SEZ6L: variants seen among roughly 807,000 people sequenced by gnomAD.
SEZ6L encodes seizure 6-like protein.
A neutral mutation model predicts 106.2 loss-of-function variants in SEZ6L; 37 were observed. The ratio of observed to expected loss-of-function variants is 0.35; its 90% CI spans 0.27 to 0.46. SEZ6L has a LOEUF of 0.46. Among genes scored for constraint, SEZ6L ranks in the 20% least tolerant of loss-of-function variants. The pLI, the probability that SEZ6L is intolerant of heterozygous loss-of-function variation, is 1.00. For synonymous variants in SEZ6L, 541 were observed against 570.4 expected (o/e 0.95, Z 0.73); for missense variants, 1,172 against 1,332.8 (o/e 0.88, Z 1.88).
At chr22:26,340,725 A>G in intron 10 of SEZ6L, 93 bp downstream of exon 10, 3 of 1,042,390 alleles carry the variant, frequency 2.9e-6, no homozygotes, top group Non-Finnish European at 2.8e-6. Flanking sequence ...TTTGTACTAC[A>G]GCGATTTTTC....
At chr22:26,246,321 A>T (rs1361459921) in intron 1 of SEZ6L, among the ~76,000 whole-genome samples, 1 of 152,190 alleles carries the variant, frequency 6.6e-6, no homozygotes, top group African/African-American at 2.4e-5. Flanking sequence ...ACATCGTATT[A>T]CTAACCCTAA....
chr22:26,377,706 G>A lies in SEZ6L; in HGVS notation c.2976G>A (p.Leu992=). ...ACTATTCCAACCTCCGCCTGCCTCT[G>A]ATGTACTCCCACCCCTACAGCCAGA... ...CRYYSNLRLP[L]MYSHPYSQIT... is the part of the protein sequence containing the mutation. Residue 992 remains leucine, a synonymous_variant, in exon 16 of 17, where the codon CTG becomes CTA. Transcript: ENST00000248933. The A allele has an allele frequency of 6.2e-7, 1 of 1,613,934 alleles. No homozygotes were observed. The highest frequency in any genetic ancestry group is 8.5e-7 in the Non-Finnish European group (1 of 1,179,894).
At chr22:26,359,732 G>A (rs2083552269) in intron 12 of SEZ6L, among the ~76,000 whole-genome samples, 1 of 152,156 alleles carries the variant, frequency 6.6e-6, no homozygotes, top group South Asian at 2.1e-4. Context: ...TTGAAAGGGA[G>A]GTCAAGGCTG....
At chr22:26,247,675 C>A (rs1402653112) in intron 1 of SEZ6L, among the ~76,000 whole-genome samples, 1 of 152,130 alleles carries the variant, frequency 6.6e-6, no homozygotes, top group African/African-American at 2.4e-5. Flanking sequence ...GGACTTCTAG[C>A]CTCCAGGACT....
At chr22:26,205,154 T>G (rs1941211399) in intron 1 of SEZ6L, among the ~76,000 whole-genome samples, 2 of 152,268 alleles carry the variant, frequency 1.3e-5, no homozygotes, top group Non-Finnish European at 2.9e-5. Context: ...CAGATTTCAC[T>G]GCCTCTTACT....
intron 1 of SEZ6L, among the ~76,000 whole-genome samples, chr22:26,207,431 T>C (rs1282152237): frequency 6.6e-6 from 1 of 152,224 alleles, no homozygotes; most frequent in Non-Finnish European, 1.5e-5. Context: ...CTTACAAAGT[T>C]GTTATCAGGA....
chr22:26,198,806 G>C (rs1202104702), intron 1 of SEZ6L, among the ~76,000 whole-genome samples: 1 of 152,240 alleles, frequency 6.6e-6, no homozygotes, highest in Non-Finnish European at 1.5e-5. Flanking sequence ...CTGTGAAGCT[G>C]AGACTGCTCC....
At chr22:26,320,960 T>C (rs1279200369) in intron 9 of SEZ6L, among the ~76,000 whole-genome samples, 3 of 152,002 alleles carry the variant, frequency 2.0e-5, no homozygotes, top group African/African-American at 7.2e-5. Flanking sequence ...ATATCAACGG[T>C]GTTGAAGCAG....
At chr22:26,356,326 CG>C (rs201265984) in intron 12 of SEZ6L, among the ~76,000 whole-genome samples, 1 of 152,094 alleles carries the variant, frequency 6.6e-6, no homozygotes, top group Non-Finnish European at 1.5e-5. Context: ...AAAAGAAAAA[CG>C]GTTTTTTTTA....
chr22:26,359,563 C>T (rs184896381), intron 12 of SEZ6L, among the ~76,000 whole-genome samples: 106 of 152,124 alleles, frequency 7.0e-4, no homozygotes, highest in African/African-American at 2.4e-3. Flanking sequence ...TTTGAAAGAA[C>T]GAGACAGGAG....
intron 10 of SEZ6L, among the ~76,000 whole-genome samples, chr22:26,346,622 T>C (rs540848371): frequency 4.5e-4 from 68 of 152,346 alleles, no homozygotes; most frequent in Admixed American, 1.2e-3. Context: ...TGCAGTCACC[T>C]GAAGGCTTGA....
chr22:26,356,772 G>A (rs1250296096), intron 12 of SEZ6L, among the ~76,000 whole-genome samples: 3 of 151,880 alleles, frequency 2.0e-5, no homozygotes, highest in Non-Finnish European at 2.9e-5. Context: ...ATGGGACTTC[G>A]CCACCCTAAT....
At chr22:26,340,834 G>C (rs947863899) in intron 10 of SEZ6L, among the ~76,000 whole-genome samples, 2 of 152,208 alleles carry the variant, frequency 1.3e-5, no homozygotes, top group Non-Finnish European at 2.9e-5. Flanking sequence ...ATCGATGTCT[G>C]TGTGGCTTTG....
chr22:26,278,695 G>A (rs2080636953), intron 1 of SEZ6L, among the ~76,000 whole-genome samples: 2 of 151,394 alleles, frequency 1.3e-5, no homozygotes, highest in South Asian at 2.1e-4. Flanking sequence ...GTTCTTTGGT[G>A]TATTGTAACA....
chr22:26,327,402 A>ACACACAC, intron 9 of SEZ6L, among the ~76,000 whole-genome samples: 2 of 130,908 alleles, frequency 1.5e-5, no homozygotes, highest in Admixed American at 1.5e-4. Flanking sequence ...CACACACCAC[A>ACACACAC]TACACACCAC....
At chr22:26,336,647 T>C (rs936932400) in intron 9 of SEZ6L, among the ~76,000 whole-genome samples, 2 of 152,180 alleles carry the variant, frequency 1.3e-5, no homozygotes, top group Non-Finnish European at 2.9e-5. Flanking sequence ...GCACACCGTT[T>C]ACAATGTGCA....
chr22:26,173,517 G>A (rs1236866911), intron 1 of SEZ6L, among the ~76,000 whole-genome samples: 4 of 152,184 alleles, frequency 2.6e-5, no homozygotes, highest in South Asian at 4.1e-4. Flanking sequence ...GAGATCGAGC[G>A]GATGCAGGAG....
At chr22:26,276,165 G>T (rs1288376978) in intron 1 of SEZ6L, among the ~76,000 whole-genome samples, 6 of 152,172 alleles carry the variant, frequency 3.9e-5, no homozygotes, top group Non-Finnish European at 7.3e-5. Context: ...TCTTAAATGA[G>T]ACCAATTAAG....
At chr22:26,348,691 A>AAAGAAAGAAAGAAAGAAAGG in intron 11 of SEZ6L, among the ~76,000 whole-genome samples, 1 of 87,124 alleles carries the variant, frequency 1.1e-5, no homozygotes, top group South Asian at 5.4e-4. Context: ...AGAAAGAAAG[A>AAAGAAAGAAAGAAAGAAAGG]AAGAAAGAAA....
Sources: allele counts gnomAD v4.1 joint callset (sites outside exome capture counted in the v4.1 genomes callset), GRCh38; gene constraint gnomAD v4.1.1; transcripts MANE v1.5; gene names NCBI Gene and HGNC (gene_info 2026-07-23, HGNC 2026-07-21).